Variants in NTRK2 observed in about 807,000 individuals in gnomAD.
The protein encoded by NTRK2 is neurotrophic receptor tyrosine kinase 2.
In NTRK2, 13 loss-of-function variants were observed where a neutral mutation model predicts 94.5. That is an observed-to-expected ratio of 0.14 (90% CI 0.09 to 0.22). NTRK2 has a LOEUF of 0.22. Ranked by LOEUF, NTRK2 falls within the 10% of genes least tolerant of loss-of-function variation. The probability of loss-of-function intolerance (pLI) is 1.00; values close to 1 mark genes in which losing one functional copy is unlikely to be tolerated. For missense variants in NTRK2, 639 were observed against 1,071.2 expected (o/e 0.60, Z 5.63); for synonymous variants, 372 against 407.4 (o/e 0.91, Z 1.05).
At chr9:84,920,619 C>A (rs764406967) in intron 14 of NTRK2, among the ~76,000 whole-genome samples, 1 of 152,204 alleles carries the variant, frequency 6.6e-6, no homozygotes, top group Non-Finnish European at 1.5e-5. Context: ...GGTGAGAATT[C>A]TTCTACTCTA....
chr9:84,890,290 G>A (rs2076558008), intron 14 of NTRK2, among the ~76,000 whole-genome samples: 1 of 152,228 alleles, frequency 6.6e-6, no homozygotes, highest in African/African-American at 2.4e-5. Flanking sequence ...GTCCATGGGT[G>A]TGACTGATCA....
intron 15 of NTRK2, among the ~76,000 whole-genome samples, chr9:84,944,215 T>TCTCACACACA (rs1440338055): frequency 3.9e-4 from 47 of 120,332 alleles, no homozygotes; most frequent in East Asian, 1.6e-3. Context: ...TCTCTCTCTC[T>TCTCACACACA]CACACACACA....
At chr9:84,714,112 A>G (rs1311157510) in intron 6 of NTRK2, among the ~76,000 whole-genome samples, 2 of 152,084 alleles carry the variant, frequency 1.3e-5, no homozygotes, top group Non-Finnish European at 2.9e-5. Context: ...GTACCGCATT[A>G]TGGGAGAATT....
intron 12 of NTRK2, among the ~76,000 whole-genome samples, chr9:84,817,553 T>C (rs2072506858): frequency 6.6e-6 from 1 of 152,250 alleles, no homozygotes; most frequent in South Asian, 2.1e-4. Flanking sequence ...CTGAATGTCT[T>C]ACACTGAATA....
At chr9:84,927,756 A>G (rs1010765997) in intron 14 of NTRK2, among the ~76,000 whole-genome samples, 1 of 152,146 alleles carries the variant, frequency 6.6e-6, no homozygotes, top group African/African-American at 2.4e-5. Context: ...ACCCTTCCAG[A>G]TTGCTATGAC....
At chr9:85,003,794 A>G (rs1198004655) in intron 17 of NTRK2, among the ~76,000 whole-genome samples, 1 of 151,586 alleles carries the variant, frequency 6.6e-6, no homozygotes, top group Non-Finnish European at 1.5e-5. Context: ...AGCTTGGCCT[A>G]GGTGTCAACA....
At chr9:84,979,468 C>T (rs1054482323) in intron 17 of NTRK2, among the ~76,000 whole-genome samples, 4 of 152,146 alleles carry the variant, frequency 2.6e-5, no homozygotes, top group African/African-American at 7.2e-5. Flanking sequence ...CATGACAAAA[C>T]TTGAACATAT....
chr9:84,795,419 A>T (rs1457127047), intron 12 of NTRK2, among the ~76,000 whole-genome samples: 1 of 152,118 alleles, frequency 6.6e-6, no homozygotes, highest in Non-Finnish European at 1.5e-5. Context: ...GGATGTTCTA[A>T]CTTACTGCCC....
intron 2 of NTRK2, among the ~76,000 whole-genome samples, chr9:84,682,123 G>A (rs534876856): frequency 6.6e-6 from 1 of 152,222 alleles, no homozygotes; most frequent in South Asian, 2.1e-4. Flanking sequence ...CTTTGGCCCA[G>A]ACTTGTATCC....
intron 2 of NTRK2, among the ~76,000 whole-genome samples, chr9:84,677,206 AC>A: frequency 6.6e-6 from 1 of 152,020 alleles, no homozygotes; most frequent in Non-Finnish European, 1.5e-5. Flanking sequence ...AAGTGGAGAA[AC>A]CCGCAGCCCT....
At chr9:84,996,272 A>C (rs1045968202) in intron 17 of NTRK2, among the ~76,000 whole-genome samples, 3 of 152,244 alleles carry the variant, frequency 2.0e-5, no homozygotes, top group African/African-American at 7.2e-5. Flanking sequence ...TGCAGCATGA[A>C]AGACGTTGCT....
intron 17 of NTRK2, among the ~76,000 whole-genome samples, chr9:84,972,451 A>C (rs1300170329): frequency 6.6e-6 from 1 of 152,234 alleles, no homozygotes; most frequent in Non-Finnish European, 1.5e-5. Context: ...AAGGGGCTTC[A>C]GTGACTGGTT....
chr9:84,964,542 T>C (rs1825334697), intron 17 of NTRK2, among the ~76,000 whole-genome samples: 1 of 152,206 alleles, frequency 6.6e-6, no homozygotes, highest in Non-Finnish European at 1.5e-5. Flanking sequence ...TCTGCAGATC[T>C]TCAGAGTTCT....
At chr9:85,018,623 T>C (rs1358143788) in intron 17 of NTRK2, among the ~76,000 whole-genome samples, 1 of 152,204 alleles carries the variant, frequency 6.6e-6, no homozygotes, top group East Asian at 1.9e-4. Flanking sequence ...CACAGAGTTA[T>C]AAACAGGGCA....
At position 84,815,621 on chromosome 9, in the gene NTRK2, C is replaced by T. The variant is rs897618441; in HGVS notation, c.1397-45419C>T. On this transcript the variant is annotated intron_variant, in intron 12 of 18. Coordinates refer to ENST00000277120, the MANE Select transcript of NTRK2 (RefSeq NM_006180.6). ...ATTTTAAAAATTTTTATTTTTAGTG[C>T]TGTTTTAACAATGTAGATAGATCAT... 9 of 988,168 alleles carry T rather than the reference C, an allele frequency of 9.1e-6. No homozygotes were observed. The African/African-American group carries it at 1.6e-4, about 17-fold the overall frequency. 61.2% of individuals were successfully genotyped at this position (988,168 alleles called of 1,614,324 possible).
At chr9:84,751,697 A>G (rs960042759) in intron 11 of NTRK2, among the ~76,000 whole-genome samples, 4 of 152,112 alleles carry the variant, frequency 2.6e-5, no homozygotes, top group African/African-American at 9.7e-5. Flanking sequence ...AGATGGATGG[A>G]GAGAGAGCTG....
At chr9:84,899,870 C>G (rs988096635) in intron 14 of NTRK2, among the ~76,000 whole-genome samples, 2 of 152,190 alleles carry the variant, frequency 1.3e-5, no homozygotes, top group African/African-American at 2.4e-5. Flanking sequence ...TACTAGTTCC[C>G]TATGGGGTGG....
intron 17 of NTRK2, among the ~76,000 whole-genome samples, chr9:85,006,759 A>G (rs767440435): frequency 1.4e-4 from 22 of 152,146 alleles, no homozygotes; most frequent in Non-Finnish European, 2.6e-4. Flanking sequence ...TCATTACCCT[A>G]TGCACAACAT....
At chr9:84,888,214 CT>C (rs1448606818) in intron 14 of NTRK2, among the ~76,000 whole-genome samples, 1 of 152,116 alleles carries the variant, frequency 6.6e-6, no homozygotes, top group Non-Finnish European at 1.5e-5. Flanking sequence ...AGAAAGAAAA[CT>C]TTTTTTGAGA....
Sources: gnomAD v4.1 joint callset for allele counts (sites outside exome capture counted in the v4.1 genomes callset) on GRCh38, gnomAD v4.1.1 for gene constraint, MANE v1.5 for transcripts, NCBI Gene and HGNC (gene_info 2026-07-23, HGNC 2026-07-21) for gene names.